Variants in MTRR observed in about 807,000 individuals in gnomAD.
MTRR encodes the protein 5-methyltetrahydrofolate-homocysteine methyltransferase reductase.
A neutral mutation model predicts 79.2 loss-of-function variants in MTRR; 63 were observed. The observed-to-expected ratio is 0.80, with a 90% CI of 0.65 to 0.98. MTRR has a LOEUF of 0.98. MTRR is among the 50% of genes least tolerant of loss of function. MTRR has a pLI of 0.00. For missense variants in MTRR, 895 were observed against 839.6 expected, an observed-to-expected ratio of 1.07 and a Z score of -0.82; for synonymous variants, 355 against 313.3, an observed-to-expected ratio of 1.13 and a Z score of -1.41.
chr5:7,858,540 A>G (rs1056723804), intron 1 of MTRR, among the ~76,000 whole-genome samples: 4 of 152,340 alleles, frequency 2.6e-5, no homozygotes, highest in Admixed American at 1.3e-4. Flanking sequence ...TGTTCTAAAG[A>G]TAAGTAAATA....
chr5:7,884,189 T>C (rs1303355506), intron 6 of MTRR, among the ~76,000 whole-genome samples: 1 of 152,028 alleles, frequency 6.6e-6, no homozygotes, highest in Admixed American at 6.5e-5. Flanking sequence ...AGAAAAGAAA[T>C]AGAACCCAGA....
chr5:7,884,376 G>A (rs1442542975), intron 6 of MTRR, among the ~76,000 whole-genome samples: 1 of 152,128 alleles, frequency 6.6e-6, no homozygotes, highest in Admixed American at 6.5e-5. Flanking sequence ...TATGTAAAAT[G>A]TTACAGTATT....
exon 1 of MTRR, chr5:7,851,386 T>G (rs908725711): frequency 4.1e-5 from 8 of 196,484 alleles, no homozygotes; most frequent in African/African-American, 1.6e-4. Flanking sequence ...AGACCATTAG[T>G]GACTGAGCAC....
chr5:7,858,383 A>C (rs892243741), intron 1 of MTRR, among the ~76,000 whole-genome samples: 4 of 152,080 alleles, frequency 2.6e-5, no homozygotes, highest in Non-Finnish European at 5.9e-5. Context: ...CCAGGTCCCA[A>C]ATGAGCGGCA....
At chr5:7,868,354 A>C (rs1382929996), upstream of MTRR, among the ~76,000 whole-genome samples, 1 of 152,230 alleles carries the variant, frequency 6.6e-6, no homozygotes, top group Non-Finnish European at 1.5e-5. Context: ...TAACTTACAC[A>C]GATTCAGTAC....
rs2126645271 is a variant in MTRR at position 7,870,891 on chromosome 5, G to C, written c.97G>C (p.Ala33Pro). ...GCAAGCTGTGGTACATGGATTTTCT[G>C]CAGATCTTCACTGTATTAGTGAATC... ...CEQAVVHGFS[A>P]DLHCISESDK... Residue 33 changes from alanine (A) to proline (P), a missense_variant, in exon 2 of 15, where the codon GCA (alanine) becomes CCA (proline). Coordinates refer to ENST00000440940, the MANE Select transcript of MTRR (RefSeq NM_002454.3). The C allele has an allele frequency of 6.2e-7, 1 of 1,614,182 alleles. No individual in the cohort carries two copies. The highest frequency in any genetic ancestry group is 1.6e-4 in the Middle Eastern group (1 of 6,062).
At position 7,870,924 on chromosome 5, in the gene MTRR, G is replaced by A. The variant is rs1313751282; in HGVS notation, c.129+1G>A. On this transcript the variant is annotated splice_donor_variant, in intron 2 of 14. Transcript: ENST00000440940. LOFTEE classifies it high-confidence loss of function. ...TCACTGTATTAGTGAATCCGATAAGGTTAGAGCCGTTACAGTGGATTTTAC... is the reference window on the plus strand; with the variant it reads ...TCACTGTATTAGTGAATCCGATAAGATTAGAGCCGTTACAGTGGATTTTAC... 1 of 1,614,074 alleles carries A rather than the reference G, an allele frequency of 6.2e-7. No homozygotes were observed. The highest frequency in any genetic ancestry group is 1.3e-5 in the African/African-American group (1 of 74,938).
chr5:7,878,939 T>A (rs1735052998), intron 5 of MTRR, among the ~76,000 whole-genome samples: 1 of 152,242 alleles, frequency 6.6e-6, no homozygotes, highest in South Asian at 2.1e-4. Context: ...ACCACACCCT[T>A]ACTGCAGCTA....
rs765859795 is a variant in MTRR, at chr5:7,895,846, A to G, written c.1670A>G (p.Gln557Arg). 1.7e-5 allele frequency: 27 copies of G among 1,614,154 alleles called. No individual in the cohort carries two copies. Among genetic ancestry groups the G allele is most frequent in the Non-Finnish European group, 2.1e-5 (25 of 1,179,982 alleles). Residue 557 changes from glutamine to arginine, a missense_variant, in exon 12 of 15, where the codon CAA becomes CGA. Transcript: ENST00000440940. ...ATAGCCCCGTTTATTGGGTTCCTACAACATAGGTATGTTCTTTTTTTGGCT... is the reference window on the plus strand; with the variant it reads ...ATAGCCCCGTTTATTGGGTTCCTACGACATAGGTATGTTCTTTTTTTGGCT... ...TGIAPFIGFL[Q>R]HREKLQEQHP...
upstream of MTRR, among the ~76,000 whole-genome samples, chr5:7,864,309 A>C (rs1746775723): frequency 6.6e-6 from 1 of 152,218 alleles, no homozygotes; most frequent in Admixed American, 6.5e-5. Context: ...AGAATACATA[A>C]ATAAAAATTC....
At position 7,900,300 on chromosome 5, in the gene MTRR, C is replaced by T. The variant is rs2126831202; in HGVS notation, c.*242C>T. ...CCCCAAATTGCCCTGTTGCCTTGAG[C>T]TCTTCTGAGCTAAGGCAGCCTTCAG... On this transcript the variant is annotated 3_prime_UTR_variant, in exon 15 of 15. Coordinates refer to ENST00000440940, the MANE Select transcript of MTRR (RefSeq NM_002454.3). 2.0e-6 allele frequency: 1 copy of T among 495,108 alleles called. No homozygotes were observed. Among genetic ancestry groups the T allele is most frequent in the South Asian group, 2.1e-5 (1 of 47,122 alleles). 30.7% of individuals were successfully genotyped at this position (495,108 alleles called of 1,614,324 possible).
Position 7,900,250 on chromosome 5 carries a change from A to G in MTRR, c.*192A>G, listed in dbSNP as rs1365729072. 2 of 650,172 alleles carry G rather than the reference A, an allele frequency of 3.1e-6. No individual in the cohort carries two copies. Among genetic ancestry groups the G allele is most frequent in the African/African-American group, 1.8e-5 (1 of 54,476 alleles). The allele number at this position is 650,172 out of a possible 1,614,324, so 40.3% of individuals were successfully genotyped here. A position where few individuals can be genotyped will look rare whatever the true frequency, so the allele number is the denominator to read the frequency against. ...ATTTGATTTTACGTATCTTCTATCT[A>G]CGCCCTTCCTGTGCCTGTGACTCTC... On this transcript the variant is annotated 3_prime_UTR_variant, in exon 15 of 15. Transcript: ENST00000440940.
At chr5:7,893,114 G>A (rs1001404424) in intron 11 of MTRR, 7 of 632,420 alleles carry the variant, frequency 1.1e-5, no homozygotes, top group African/African-American at 1.8e-5. Flanking sequence ...TTTTCTGAAT[G>A]TATAAAGCAT....
chr5:7,887,817 T>TGC (rs1736853793), intron 8 of MTRR, among the ~76,000 whole-genome samples: 3 of 35,600 alleles, frequency 8.4e-5, no homozygotes, highest in Non-Finnish European at 1.5e-4. Context: ...TATATATATA[T>TGC]ATATATATAT....
intron 9 of MTRR, chr5:7,890,424 T>C: frequency 1.0e-6 from 1 of 985,160 alleles, no homozygotes; most frequent in Non-Finnish European, 1.2e-6. Flanking sequence ...TGGGGAGTTC[T>C]AAGTAGTATT....
intron 2 of MTRR, among the ~76,000 whole-genome samples, chr5:7,872,470 A>G (rs1213916180): frequency 1.3e-5 from 2 of 152,242 alleles, no homozygotes; most frequent in African/African-American, 4.8e-5. Context: ...CATGAGAATA[A>G]GAATAAACTT....
chr5:7,887,793 C>CATATATACATATATACAT (rs1491410388), intron 8 of MTRR, among the ~76,000 whole-genome samples: 1 of 92,052 alleles, frequency 1.1e-5, no homozygotes, highest in Admixed American at 1.3e-4. Flanking sequence ...TGTGTGTGTG[C>CATATATACATATATACAT]ATATATATAT....
chr5:7,873,895 C>T (rs1156234223), intron 3 of MTRR, among the ~76,000 whole-genome samples: 2 of 152,184 alleles, frequency 1.3e-5, no homozygotes, highest in African/African-American at 4.8e-5. Flanking sequence ...AAACAAAACA[C>T]TCCCAATGAT....
intron 2 of MTRR, chr5:7,872,288 G>T: frequency 2.3e-6 from 1 of 443,992 alleles, no homozygotes. Flanking sequence ...GGGCAGTAAA[G>T]CTTGTGGAGT....
Sources: gnomAD v4.1 joint callset for allele counts (sites outside exome capture counted in the v4.1 genomes callset) on GRCh38, gnomAD v4.1.1 for gene constraint, MANE v1.5 for transcripts, NCBI Gene and HGNC (gene_info 2026-07-23, HGNC 2026-07-21) for gene names.